The following CIC variants were observed in gnomAD, a reference collection of about 807,000 sequenced individuals.
CIC encodes protein capicua homolog.
Under a neutral mutation model 115.7 loss-of-function variants are expected in CIC, and 18 were observed. That is an observed-to-expected ratio of 0.16 (90% CI 0.11 to 0.23). The LOEUF (loss-of-function observed/expected upper bound fraction) is 0.23, where lower values mean the gene tolerates loss of function less well. CIC is among the 10% of genes least tolerant of loss of function. CIC has a pLI of 1.00. For missense variants in CIC, 2,000 were observed against 2,159.3 expected, an observed-to-expected ratio of 0.93 and a Z score of 1.46; for synonymous variants, 1,076 against 923.0, an observed-to-expected ratio of 1.17 and a Z score of -3.01.
In CIC at chr19:42,294,182, C is replaced by T. The variant is rs1250296812; in HGVS notation, c.6932C>T (p.Ser2311Leu). The T allele has an allele frequency of 6.2e-7, 1 of 1,613,782 alleles. No homozygotes were observed. Among genetic ancestry groups the T allele is most frequent in the African/African-American group, 1.3e-5 (1 of 74,924 alleles). The change falls in exon 19 of 21, where the codon TCA (serine) becomes TTA (leucine). Residue 2311 changes from serine (S) to leucine (L), a missense_variant. Ser to Leu is a moderately radical substitution (Grantham distance 145). Coordinates refer to ENST00000681038, the MANE Select transcript of CIC (RefSeq NM_001386298.1). ...GCTTCTGTTTGGCCAGACCTGGATTCAGCACCCGAGGACCCCACCTCGCCC... is the reference window on the plus strand; with the variant it reads ...GCTTCTGTTTGGCCAGACCTGGATTTAGCACCCGAGGACCCCACCTCGCCC... ...KKRKNSTDLD[S>L]APEDPTSPKR...
upstream of CIC, chr19:42,268,604 G>A (rs1011414681): frequency 3.3e-5 from 5 of 152,200 alleles, no homozygotes; most frequent in Non-Finnish European, 7.3e-5. Flanking sequence ...GGTGAGTCGG[G>A]GCCCTGGGTC....
chr19:42,280,715 G>C lies in CIC; in HGVS notation c.2795-6056G>C, dbSNP rs1169492857. On this transcript the variant is annotated intron_variant, in intron 2 of 20. Transcript: ENST00000681038. The surrounding 1 kb of genome is among the most constrained non-coding windows in gnomAD (Gnocchi z 4.9). ...ACAAAGCGGCTTTGTGGAGCCTGCC[G>C]GGGGTTGGCTGGGGGCCAGGCGGCG... 6.6e-6 allele frequency among the ~76,000 whole-genome samples: 1 copy of C among 152,166 alleles called. No individual in the cohort carries two copies. Among genetic ancestry groups the C allele is most frequent in the African/African-American group, 2.4e-5 (1 of 41,522 alleles).
intron 7 of CIC, 53 bp from the exon 8 acceptor site, chr19:42,288,835 A>G (rs2037855872): frequency 2.6e-6 from 4 of 1,522,926 alleles, no homozygotes; most frequent in Admixed American, 1.7e-5. Flanking sequence ...GGGCCAGTCT[A>G]GGTGCTGGTG....
chr19:42,287,431 T>G lies in CIC; in HGVS notation c.3291T>G (p.Asp1097Glu), dbSNP rs759484594. ...PKERDSSSEK[D>E]GRSPNKREKD... ...AACGGGACTCATCTTCTGAGAAGGA[T>G]GGACGCAGCCCCAACAAGGTACTTT... Residue 1097 changes from aspartate (D) to glutamate (E), a missense_variant, in exon 5 of 21, where the codon GAT (aspartate) becomes GAG (glutamate). By Grantham distance (45) the Asp-to-Glu change is conservative. Transcript: ENST00000681038. This position sits in a 1 kb window ranked among gnomAD's most constrained non-coding sequence, Gnocchi z 8.7. The G allele has an allele frequency of 6.2e-7, 1 of 1,613,610 alleles. No individual in the cohort carries two copies. Among genetic ancestry groups the G allele is most frequent in the South Asian group, 1.1e-5 (1 of 91,084 alleles).
At position 42,293,301 on chromosome 19, in the gene CIC, G is replaced by T; in HGVS notation, c.6522+20G>T. On this transcript the variant is annotated intron_variant, in intron 16 of 20. Transcript: ENST00000681038. ...ACCATGGTGAGCGCCTGCAGGCCGT[G>T]GGGCTCCCACTGCCACTTGGCTGTG... 6.4e-7 allele frequency: 1 copy of T among 1,551,420 alleles called. No individual in the cohort carries two copies.
At position 42,291,137 on chromosome 19, in the gene CIC, C is replaced by T. The variant is rs1053512054; in HGVS notation, c.5096C>T (p.Thr1699Ile). 2 of 1,608,140 alleles carry T rather than the reference C, an allele frequency of 1.2e-6. No individual in the cohort carries two copies. The highest frequency in any genetic ancestry group is 2.7e-5 in the African/African-American group (2 of 74,756). ...GCCCAGGGGGCCCCTGGTGGTGGGA[C>T]CACTGCGGGCTCAGGAGCAGGTGCT... is the stretch of plus-strand genomic sequence containing the variant. Reference protein sequence around the residue: ...FIAQGAPGGGTTAGSGAGAGS... With the variant: ...FIAQGAPGGGITAGSGAGAGS... Residue 1699 changes from threonine (T) to isoleucine (I), a missense_variant, in exon 11 of 21, where the codon ACC becomes ATC. Transcript: ENST00000681038.
In CIC at chr19:42,289,299, T is replaced by G; in HGVS notation, c.3980T>G (p.Leu1327Arg). Reference protein sequence around the residue: ...GALAATGRPPLLPTRASRSQR... With the variant: ...GALAATGRPPRLPTRASRSQR... ...TTGGCGGCCACTGGGCGGCCCCCGCTGCTGCCCACCCGAGCTTCTCGTTCT... is the reference window on the plus strand; with the variant it reads ...TTGGCGGCCACTGGGCGGCCCCCGCGGCTGCCCACCCGAGCTTCTCGTTCT... Residue 1327 changes from leucine (L) to arginine (R), a missense_variant, in exon 9 of 21, where the codon CTG becomes CGG. Transcript: ENST00000681038. 1 of 1,614,002 alleles carries G rather than the reference T, an allele frequency of 6.2e-7. No homozygotes were observed.
At chr19:42,271,687 C>T (rs1241726290) in intron 1 of CIC, 87 bp from the exon 2 acceptor site, 3 of 397,830 alleles carry the variant, frequency 7.5e-6, no homozygotes, top group Admixed American at 8.8e-5. Context: ...AGACAGTAGA[C>T]TCAGCAAGTG....
chr19:42,269,905 G>A (rs1223431230), intron 1 of CIC, among the ~76,000 whole-genome samples: 1 of 152,028 alleles, frequency 6.6e-6, no homozygotes, highest in African/African-American at 2.4e-5. Context: ...CCAGGGCCTG[G>A]GCTGGCCTGG....
Position 42,291,259 on chromosome 19 carries a change from A to T in CIC, c.5218A>T (p.Thr1740Ser). 6.2e-7 allele frequency: 1 copy of T among 1,612,500 alleles called. No homozygotes were observed. Among genetic ancestry groups the T allele is most frequent in the Non-Finnish European group, 8.5e-7 (1 of 1,179,736 alleles). ...CACCCAGGTACAGTACATCCTGCCC[A>T]CGCTGCCCCAGCAGCTTCAGGTGGC... Reference protein sequence around the residue: ...GITQVQYILPTLPQQLQVAPA... With the variant: ...GITQVQYILPSLPQQLQVAPA... Residue 1740 changes from threonine to serine, a missense_variant, in exon 11 of 21, where the codon ACG becomes TCG. Transcript: ENST00000681038.
At position 42,287,284 on chromosome 19, in the gene CIC, G is replaced by C. The variant is rs2147186940; in HGVS notation, c.3180-36G>C. On this transcript the variant is annotated intron_variant, in intron 4 of 20. Coordinates refer to ENST00000681038, the MANE Select transcript of CIC (RefSeq NM_001386298.1). The surrounding 1 kb of genome is among the most constrained non-coding windows in gnomAD (Gnocchi z 8.7). ...GGGACTTGGGGGTGGGATGGCCAGA[G>C]ACATGGCCCTCACTGTCCCTGCTGC... 6.2e-7 allele frequency: 1 copy of C among 1,614,060 alleles called. No individual in the cohort carries two copies. The highest frequency in any genetic ancestry group is 8.5e-7 in the Non-Finnish European group (1 of 1,180,012).
At chr19:42,277,692 G>A (rs2037039333) in intron 2 of CIC, among the ~76,000 whole-genome samples, 1 of 152,256 alleles carries the variant, frequency 6.6e-6, no homozygotes, top group African/African-American at 2.4e-5. Flanking sequence ...CTGATGCTGT[G>A]AAGTAGATTG....
intron 2 of CIC, among the ~76,000 whole-genome samples, chr19:42,277,968 G>A (rs1348580794): frequency 6.6e-6 from 1 of 152,266 alleles, no homozygotes; most frequent in East Asian, 1.9e-4. Flanking sequence ...GGCAGACCGT[G>A]TTCAGTGGTA....
Position 42,289,330 on chromosome 19 carries a change from T to C in CIC, c.4011T>C (p.Arg1337=). ...CCACCCGAGCTTCTCGTTCTCAGCGTGCGGCCAGTGAGGACATGACGAGTG... is the reference window on the plus strand; with the variant it reads ...CCACCCGAGCTTCTCGTTCTCAGCGCGCGGCCAGTGAGGACATGACGAGTG... ...LLPTRASRSQ[R]AASEDMTSDE... Residue 1337 remains arginine, a synonymous_variant, in exon 9 of 21, where the codon CGT becomes CGC. Transcript: ENST00000681038. 1 of 1,613,950 alleles carries C rather than the reference T, an allele frequency of 6.2e-7. No homozygotes were observed. The highest frequency in any genetic ancestry group is 8.5e-7 in the Non-Finnish European group (1 of 1,179,914).
chr19:42,293,290 C>G lies in CIC; in HGVS notation c.6522+9C>G. 6.4e-7 allele frequency: 1 copy of G among 1,561,184 alleles called. No individual in the cohort carries two copies. Among genetic ancestry groups the G allele is most frequent in the African/African-American group, 1.4e-5 (1 of 73,724 alleles). ...AGGGCCCTGAGACCATGGTGAGCGC[C>G]TGCAGGCCGTGGGGCTCCCACTGCC... On this transcript the variant is annotated intron_variant, in intron 16 of 20. Transcript: ENST00000681038.
intron 7 of CIC, 63 bp from the exon 8 acceptor site, chr19:42,288,825 G>T: frequency 6.9e-7 from 1 of 1,449,434 alleles, no homozygotes; most frequent in Non-Finnish European, 9.7e-7. Context: ...ATGGGTTGTT[G>T]GGCCAGTCTA....
In CIC at chr19:42,291,136, A is replaced by T; in HGVS notation, c.5095A>T (p.Thr1699Ser). ...FIAQGAPGGG[T>S]TAGSGAGAGS... ...TGCCCAGGGGGCCCCTGGTGGTGGG[A>T]CCACTGCGGGCTCAGGAGCAGGTGC... The change falls in exon 11 of 21, where the codon ACC becomes TCC. Residue 1699 changes from threonine (T) to serine (S), a missense_variant. This residue lies in a region of CIC where 1,466 missense variants were observed against 1,390.4 expected (regional missense o/e 1.05). Coordinates refer to ENST00000681038, the MANE Select transcript of CIC (RefSeq NM_001386298.1). 1 of 1,608,378 alleles carries T rather than the reference A, an allele frequency of 6.2e-7. No individual in the cohort carries two copies.
intron 9 of CIC, 75 bp from the exon 10 acceptor site, chr19:42,289,773 C>T: frequency 7.8e-7 from 1 of 1,279,002 alleles, no homozygotes; most frequent in Non-Finnish European, 1.1e-6. Context: ...GAGCTGAGAT[C>T]CAGGCTCCAG....
In CIC at chr19:42,291,361, A is replaced by G. The variant is rs1466986874; in HGVS notation, c.5320A>G (p.Thr1774Ala). Residue 1774 changes from threonine (T) to alanine (A), a missense_variant, in exon 11 of 21, where the codon ACC (threonine) becomes GCC (alanine). Physicochemically the swap from Thr to Ala is moderately conservative, Grantham distance 58. Transcript: ENST00000681038. ...TGCACCCACCACCAGCATCCGTTTC[A>G]CCCTCCCACCGGGCACTTCCACCAA... ...GPAPTTSIRFTLPPGTSTNGK... is the reference protein window; with the variant it reads ...GPAPTTSIRFALPPGTSTNGK... The G allele has an allele frequency of 6.2e-7, 1 of 1,612,064 alleles. No individual in the cohort carries two copies. The highest frequency in any genetic ancestry group is 1.1e-5 in the South Asian group (1 of 91,024).
Sources: gnomAD v4.1 joint callset for allele counts (sites outside exome capture counted in the v4.1 genomes callset) on GRCh38, gnomAD v4.1.1 for gene constraint, gnomAD v4.1.1 regional missense constraint, Gnocchi (gnomAD v3.1) non-coding constraint, MANE v1.5 for transcripts, NCBI Gene and HGNC (gene_info 2026-07-23, HGNC 2026-07-21) for gene names.